Variants in CNTNAP2 observed in about 807,000 individuals in gnomAD.
The protein encoded by CNTNAP2 is contactin-associated protein-like 2.
In CNTNAP2, 98 loss-of-function variants were observed where a neutral mutation model predicts 155.2. The observed-to-expected ratio is 0.63, with a 90% CI of 0.54 to 0.75. The LOEUF is 0.75. CNTNAP2 is among the 30% of genes least tolerant of loss of function. The pLI is 0.00. For synonymous variants in CNTNAP2, 651 were observed against 631.2 expected, an observed-to-expected ratio of 1.03 and a Z score of -0.47; for missense variants, 1,727 against 1,688.1, an observed-to-expected ratio of 1.02 and a Z score of -0.40.
intron 1 of CNTNAP2, among the ~76,000 whole-genome samples, chr7:146,500,427 A>G (rs1353536124): frequency 6.6e-6 from 1 of 152,182 alleles, no homozygotes; most frequent in Non-Finnish European, 1.5e-5. Context: ...ATGAGAAAAC[A>G]GAAACTTAGT....
chr7:146,217,001 C>T (rs802537), intron 1 of CNTNAP2, among the ~76,000 whole-genome samples: 134,294 of 152,194 alleles, frequency 0.88, 59,568 homozygotes, highest in East Asian at 0.99. Context: ...TCAAACATTT[C>T]ATCAAAAGAA....
intron 1 of CNTNAP2, among the ~76,000 whole-genome samples, chr7:146,570,367 A>G (rs1297971852): frequency 6.6e-6 from 1 of 152,184 alleles, no homozygotes; most frequent in East Asian, 1.9e-4. Flanking sequence ...CCACTATTCT[A>G]AATTTTGGGG....
In CNTNAP2 at chr7:148,118,141, T is replaced by C; in HGVS notation, c.2407T>C (p.Phe803Leu). 3 of 1,614,176 alleles carry C rather than the reference T, an allele frequency of 1.9e-6. No individual in the cohort carries two copies. The South Asian group carries it at 3.3e-5, about 18-fold the overall frequency. Residue 803 changes from phenylalanine to leucine, a missense_variant, in exon 16 of 24, where the codon TTC (phenylalanine) becomes CTC (leucine). By Grantham distance (22) the Phe-to-Leu change is conservative (BLOSUM62 0). Transcript: ENST00000361727. Reference sequence around the variant, plus strand: ...AGGGAATTATTGGAATGCCGCCTCTTTCCCAAACCCATCCTCCTACCTGCA... The same window carrying C: ...AGGGAATTATTGGAATGCCGCCTCTCTCCCAAACCCATCCTCCTACCTGCA... ...GDRNYWNAAS[F>L]PNPSSYLHFS...
At chr7:146,815,147 T>C in intron 2 of CNTNAP2, among the ~76,000 whole-genome samples, 1 of 152,168 alleles carries the variant, frequency 6.6e-6, no homozygotes, top group East Asian at 1.9e-4. Flanking sequence ...AATGCAGTTT[T>C]AAAAATCTTA....
intron 1 of CNTNAP2, among the ~76,000 whole-genome samples, chr7:146,561,497 T>A (rs1798278991): frequency 6.6e-6 from 1 of 151,882 alleles, no homozygotes; most frequent in South Asian, 2.1e-4. Flanking sequence ...TCTCCATTTT[T>A]TAGAAAAAAA....
intron 1 of CNTNAP2, among the ~76,000 whole-genome samples, chr7:146,206,267 C>A (rs1798945221): frequency 6.6e-6 from 1 of 151,796 alleles, no homozygotes; most frequent in African/African-American, 2.4e-5. Context: ...AATAATTAAT[C>A]ATTGGCCTTG....
chr7:147,493,058 C>T (rs534579567), intron 11 of CNTNAP2, among the ~76,000 whole-genome samples: 37 of 152,212 alleles, frequency 2.4e-4, no homozygotes, highest in African/African-American at 7.7e-4. Flanking sequence ...ACTTATGCCA[C>T]TAAGTTTCGA....
chr7:146,333,558 T>C (rs984055496), intron 1 of CNTNAP2, among the ~76,000 whole-genome samples: 68 of 152,326 alleles, frequency 4.5e-4, no homozygotes, highest in African/African-American at 1.5e-3. Flanking sequence ...TGCATGTTTT[T>C]ATGTAAGGAG....
At chr7:146,500,572 A>G (rs539189902) in intron 1 of CNTNAP2, among the ~76,000 whole-genome samples, 2 of 152,184 alleles carry the variant, frequency 1.3e-5, no homozygotes, top group African/African-American at 4.8e-5. Context: ...GCAGGAACTC[A>G]GATAAAACAA....
intron 21 of CNTNAP2, among the ~76,000 whole-genome samples, chr7:148,305,835 G>A (rs539886812): frequency 2.6e-5 from 4 of 152,122 alleles, no homozygotes; most frequent in East Asian, 1.9e-4. Flanking sequence ...TTTGCGGGGG[G>A]GACACAGAGC....
chr7:147,857,744 C>T (rs1799062869), intron 13 of CNTNAP2, among the ~76,000 whole-genome samples: 1 of 152,164 alleles, frequency 6.6e-6, no homozygotes, highest in South Asian at 2.1e-4. Flanking sequence ...AAATAAAACT[C>T]TGACACAACA....
chr7:148,165,751 G>A (rs1473458145), intron 17 of CNTNAP2, among the ~76,000 whole-genome samples: 1 of 151,966 alleles, frequency 6.6e-6, no homozygotes, highest in Non-Finnish European at 1.5e-5. Flanking sequence ...ATCCCTGCTT[G>A]CTGCCTCCCA....
chr7:148,187,132 AC>A (rs1562988450), intron 18 of CNTNAP2, among the ~76,000 whole-genome samples: 41 of 151,252 alleles, frequency 2.7e-4, no homozygotes, highest in South Asian at 6.3e-4. Context: ...ACACACACAC[AC>A]ACACACACAC....
At chr7:147,745,849 G>T (rs1797032800) in intron 13 of CNTNAP2, among the ~76,000 whole-genome samples, 1 of 152,162 alleles carries the variant, frequency 6.6e-6, no homozygotes, top group African/African-American at 2.4e-5. Flanking sequence ...AAATTGTTAA[G>T]ATCCTTTTCA....
Position 146,436,696 on chromosome 7 carries a change from A to G in CNTNAP2, c.97+319723A>G, listed in dbSNP as rs190330223. On this transcript the variant is annotated intron_variant, in intron 1 of 23. Transcript: ENST00000361727. ...CTCTAAAACTTGATAAATATTTTTA[A>G]GAACCTAACTTTAATTTTGAAGGAT... is the stretch of plus-strand genomic sequence containing the variant. 9.5e-5 allele frequency among the ~76,000 whole-genome samples: 14 copies of G among 147,320 alleles called. 1 individual carries two copies. The highest frequency in any genetic ancestry group is 3.8e-4 in the African/African-American group (14 of 36,878).
chr7:146,149,028 T>C (rs1252309087), intron 1 of CNTNAP2, among the ~76,000 whole-genome samples: 1 of 150,196 alleles, frequency 6.7e-6, no homozygotes, highest in Non-Finnish European at 1.5e-5. Context: ...CCGGGGCCTG[T>C]TGTGGGGTGG....
At chr7:146,268,336 G>T (rs1165717948) in intron 1 of CNTNAP2, among the ~76,000 whole-genome samples, 1 of 152,140 alleles carries the variant, frequency 6.6e-6, no homozygotes, top group Non-Finnish European at 1.5e-5. Flanking sequence ...GACCCTCCAC[G>T]CAGAAATCTT....
chr7:147,184,134 G>A (rs1802519169), intron 8 of CNTNAP2, among the ~76,000 whole-genome samples: 1 of 152,112 alleles, frequency 6.6e-6, no homozygotes, highest in Non-Finnish European at 1.5e-5. Flanking sequence ...AAATGGCCTC[G>A]GGAAGCTTTG....
intron 3 of CNTNAP2, among the ~76,000 whole-genome samples, chr7:146,916,267 G>T (rs910522855): frequency 6.6e-6 from 1 of 152,008 alleles, no homozygotes; most frequent in African/African-American, 2.4e-5. Context: ...TAAAGATATT[G>T]GTCTATAGTT....
Sources: allele counts gnomAD v4.1 joint callset (sites outside exome capture counted in the v4.1 genomes callset), GRCh38; gene constraint gnomAD v4.1.1; transcripts MANE v1.5; gene names NCBI Gene and HGNC (gene_info 2026-07-23, HGNC 2026-07-21).